Variants in CNTNAP2 observed in about 807,000 individuals in gnomAD.
CNTNAP2 encodes the protein contactin-associated protein-like 2.
In CNTNAP2, 98 loss-of-function variants were observed where a neutral mutation model predicts 155.2. The ratio of observed to expected loss-of-function variants is 0.63; its 90% CI spans 0.54 to 0.75. The LOEUF (loss-of-function observed/expected upper bound fraction) is 0.75, where lower values mean the gene tolerates loss of function less well. CNTNAP2 is among the 30% of genes least tolerant of loss of function. The pLI is 0.00. For synonymous variants in CNTNAP2, 651 were observed against 631.2 expected, an observed-to-expected ratio of 1.03 and a Z score of -0.47; for missense variants, 1,727 against 1,688.1, an observed-to-expected ratio of 1.02 and a Z score of -0.40.
intron 13 of CNTNAP2, among the ~76,000 whole-genome samples, chr7:147,706,259 A>G (rs952464184): frequency 4.1e-5 from 6 of 146,784 alleles, no homozygotes; most frequent in South Asian, 2.1e-4. Flanking sequence ...TTATGATGGT[A>G]GATATCATCC....
chr7:146,173,517 C>T (rs1469944067), intron 1 of CNTNAP2, among the ~76,000 whole-genome samples: 1 of 151,772 alleles, frequency 6.6e-6, no homozygotes, highest in South Asian at 2.1e-4. Context: ...AATATACATG[C>T]GTATTTTAGG....
chr7:148,300,715 G>A (rs1353732951), intron 21 of CNTNAP2, among the ~76,000 whole-genome samples: 2 of 152,118 alleles, frequency 1.3e-5, no homozygotes, highest in African/African-American at 2.4e-5. Context: ...TGGTCTATAC[G>A]TACAACATGG....
chr7:146,325,838 A>G (rs1464506795), intron 1 of CNTNAP2, among the ~76,000 whole-genome samples: 1 of 152,218 alleles, frequency 6.6e-6, no homozygotes. Context: ...TTGGGTAATA[A>G]TAATTAACTT....
chr7:146,832,836 C>A (rs190038861), intron 2 of CNTNAP2, among the ~76,000 whole-genome samples: 1 of 151,896 alleles, frequency 6.6e-6, no homozygotes, highest in Non-Finnish European at 1.5e-5. Flanking sequence ...GCTGGGATTA[C>A]GGGCACCCGC....
chr7:146,391,976 A>G (rs1281289653), intron 1 of CNTNAP2, among the ~76,000 whole-genome samples: 1 of 152,174 alleles, frequency 6.6e-6, no homozygotes, highest in Non-Finnish European at 1.5e-5. Context: ...TGTACCCCCG[A>G]ACTTAAAATA....
intron 15 of CNTNAP2, among the ~76,000 whole-genome samples, chr7:148,033,085 AGC>A (rs1041336932): frequency 2.0e-5 from 3 of 152,100 alleles, no homozygotes; most frequent in Non-Finnish European, 2.9e-5. Context: ...CCACACACCT[AGC>A]GAGGGCTCAT....
chr7:146,369,682 G>A (rs1459083354), intron 1 of CNTNAP2, among the ~76,000 whole-genome samples: 1 of 151,998 alleles, frequency 6.6e-6, no homozygotes, highest in African/African-American at 2.4e-5. Flanking sequence ...ATGTTTAAAA[G>A]CTACTTGAGT....
intron 11 of CNTNAP2, among the ~76,000 whole-genome samples, chr7:147,511,452 A>C (rs1799019189): frequency 8.9e-6 from 1 of 112,018 alleles, no homozygotes; most frequent in Non-Finnish European, 1.9e-5. Context: ...TTATCCTTTA[A>C]AACAACATTT....
intron 1 of CNTNAP2, among the ~76,000 whole-genome samples, chr7:146,498,083 A>T (rs980371476): frequency 4.6e-5 from 7 of 152,146 alleles, no homozygotes; most frequent in African/African-American, 1.4e-4. Flanking sequence ...GTCTGTGTAG[A>T]TAAAGCATTA....
chr7:146,346,559 G>C (rs1436632335), intron 1 of CNTNAP2, among the ~76,000 whole-genome samples: 1 of 152,142 alleles, frequency 6.6e-6, no homozygotes, highest in Admixed American at 6.5e-5. Context: ...GTGCATGCCT[G>C]TAATCCCAGC....
At chr7:147,145,356 C>G (rs1801681543) in intron 8 of CNTNAP2, among the ~76,000 whole-genome samples, 1 of 152,108 alleles carries the variant, frequency 6.6e-6, no homozygotes, top group Admixed American at 6.6e-5. Flanking sequence ...GGGTAGGATG[C>G]TACTGGCACA....
chr7:146,378,000 C>G (rs1230082417), intron 1 of CNTNAP2, among the ~76,000 whole-genome samples: 3 of 152,166 alleles, frequency 2.0e-5, no homozygotes. Flanking sequence ...ATGGGAATTT[C>G]ATAATACTTA....
At chr7:147,103,061 T>C (rs1026848374) in intron 4 of CNTNAP2, among the ~76,000 whole-genome samples, 1 of 152,184 alleles carries the variant, frequency 6.6e-6, no homozygotes, top group African/African-American at 2.4e-5. Context: ...CTCTAATTTT[T>C]TAATGAAGTA....
intron 3 of CNTNAP2, among the ~76,000 whole-genome samples, chr7:146,965,722 G>C (rs1011757790): frequency 2.0e-5 from 3 of 152,106 alleles, no homozygotes; most frequent in African/African-American, 7.2e-5. Context: ...AAATATCCAG[G>C]CTATAGAAAA....
chr7:146,327,292 A>G (rs1261128841), intron 1 of CNTNAP2, among the ~76,000 whole-genome samples: 1 of 152,234 alleles, frequency 6.6e-6, no homozygotes, highest in Non-Finnish European at 1.5e-5. Flanking sequence ...ACAATATGCT[A>G]TATAACTGTT....
At chr7:146,488,786 G>A (rs142579344) in intron 1 of CNTNAP2, among the ~76,000 whole-genome samples, 76 of 152,006 alleles carry the variant, frequency 5.0e-4, no homozygotes, top group Non-Finnish European at 9.0e-4. Context: ...GTGCCACCAC[G>A]CCTGGCTAGT....
At chr7:148,389,180 T>C (rs1563069324) in intron 22 of CNTNAP2, among the ~76,000 whole-genome samples, 1 of 152,194 alleles carries the variant, frequency 6.6e-6, no homozygotes, top group Non-Finnish European at 1.5e-5. Context: ...TTCCTTTACT[T>C]TCCCAATTGA....
At chr7:146,949,367 C>CGGT (rs1563016958) in intron 3 of CNTNAP2, among the ~76,000 whole-genome samples, 1 of 151,984 alleles carries the variant, frequency 6.6e-6, no homozygotes. Flanking sequence ...TGAACTACAT[C>CGGT]GGTACTTCAG....
chr7:148,188,071 C>A (rs1307463928), intron 18 of CNTNAP2, among the ~76,000 whole-genome samples: 1 of 151,964 alleles, frequency 6.6e-6, no homozygotes, highest in African/African-American at 2.4e-5. Context: ...TTAAATTAAA[C>A]TTTTAGAGAA....
Sources: allele counts gnomAD v4.1 joint callset (sites outside exome capture counted in the v4.1 genomes callset), GRCh38; gene constraint gnomAD v4.1.1; transcripts MANE v1.5; gene names NCBI Gene and HGNC (gene_info 2026-07-23, HGNC 2026-07-21).